Variants in PNLDC1 observed in about 807,000 individuals in gnomAD.
The protein encoded by PNLDC1 is poly(A)-specific ribonuclease PNLDC1.
A neutral mutation model predicts 82.0 loss-of-function variants in PNLDC1; 70 were observed. The ratio of observed to expected loss-of-function variants is 0.85; its 90% CI spans 0.70 to 1.04. The LOEUF is 1.04. Among genes scored for constraint, PNLDC1 ranks in the 50% least tolerant of loss-of-function variants. The pLI is 0.00. For synonymous variants in PNLDC1, 280 were observed against 249.3 expected (o/e 1.12, Z -1.16); for missense variants, 631 against 661.1 (o/e 0.95, Z 0.50).
intron 7 of PNLDC1, 103 bp from the exon 8 acceptor site, chr6:159,808,637 A>C: frequency 9.0e-7 from 1 of 1,107,710 alleles, no homozygotes. Context: ...CTCCCTTTCC[A>C]CTTGACCTTT....
In PNLDC1 at chr6:159,816,658, G is replaced by T. The variant is rs1221407258; in HGVS notation, c.1114+62G>T. ...TTTTTTTTTTTTTTTCTGAGACAGG[G>T]TCTCACTCTGTTGCCCAGGCTAGAG... is the stretch of plus-strand genomic sequence containing the variant. On this transcript the variant is annotated intron_variant, in intron 14 of 18. Transcript: ENST00000392167. 7.2e-6 allele frequency: 10 copies of T among 1,395,862 alleles called. No individual in the cohort carries two copies. In the Admixed American group the frequency reaches 8.5e-5, roughly 12 times the overall value. 86.5% of individuals were successfully genotyped at this position (1,395,862 alleles called of 1,614,324 possible). A position where few individuals can be genotyped will look rare whatever the true frequency, so the allele number is the denominator to read the frequency against.
At position 159,809,169 on chromosome 6, in the gene PNLDC1, A is replaced by G. The variant is rs371823169; in HGVS notation, c.783+11A>G. On this transcript the variant is annotated intron_variant, in intron 9 of 18. Coordinates refer to ENST00000392167, the MANE Select transcript of PNLDC1 (RefSeq NM_001271862.2). ...GTGAAAGCCCAGAAGGTAGGAAAAC[A>G]TGTCTCTTTTCTTGGCCTAAAGGCA... 12 of 1,613,074 alleles carry G rather than the reference A, an allele frequency of 7.4e-6. No individual in the cohort carries two copies. In the African/African-American group the frequency reaches 1.2e-4, roughly 16 times the overall value.
chr6:159,814,283 G>A (rs528717689), intron 12 of PNLDC1, among the ~76,000 whole-genome samples: 1 of 152,284 alleles, frequency 6.6e-6, no homozygotes, highest in African/African-American at 2.4e-5. Flanking sequence ...CCCTGTTCTG[G>A]ATGTGTGTGT....
chr6:159,813,777 G>A (rs908500388), intron 12 of PNLDC1, 121 bp downstream of exon 12: 18 of 833,828 alleles, frequency 2.2e-5, no homozygotes, highest in Admixed American at 1.8e-4. Context: ...TTGGGACTTG[G>A]TCTCCTCCAG....
At position 159,819,142 on chromosome 6, in the gene PNLDC1, G is replaced by A. The variant is rs368737098; in HGVS notation, c.1433+21G>A. 6.2e-5 allele frequency: 100 copies of A among 1,612,304 alleles called. No homozygotes were observed. The highest frequency in any genetic ancestry group is 1.5e-4 in the African/African-American group (11 of 74,836). Reference sequence around the variant, plus strand: ...AAGGAGTAGGTGCCTCTAAGTCCGCGTCCCCCACCCCTCGTGCGTTCATCC... The same window carrying A: ...AAGGAGTAGGTGCCTCTAAGTCCGCATCCCCCACCCCTCGTGCGTTCATCC... On this transcript the variant is annotated intron_variant, in intron 17 of 18. Transcript: ENST00000392167. This position sits in a 1 kb window ranked among gnomAD's most constrained non-coding sequence, Gnocchi z 4.6.
chr6:159,814,612 T>C (rs1781754932), intron 12 of PNLDC1, among the ~76,000 whole-genome samples: 1 of 152,196 alleles, frequency 6.6e-6, no homozygotes, highest in Non-Finnish European at 1.5e-5. Context: ...GTACCAGGCA[T>C]GATACTGAGG....
upstream of PNLDC1, chr6:159,800,255 AGCACGTGG>A (rs1434511016): frequency 7.6e-6 from 6 of 794,390 alleles, no homozygotes; most frequent in African/African-American, 1.7e-4. Context: ...GCGCGTGGGC[AGCACGTGG>A]GCAGCACGTG....
At chr6:159,800,707 T>C (rs1305384075) in intron 1 of PNLDC1, 65 bp from the exon 2 acceptor site, 14 of 1,614,068 alleles carry the variant, frequency 8.7e-6, no homozygotes, top group Non-Finnish European at 1.2e-5. Flanking sequence ...CCTGCAGATC[T>C]ACAGTGTGAG....
At chr6:159,808,975 T>A in intron 8 of PNLDC1, 40 bp from the exon 9 acceptor site, 1 of 1,606,288 alleles carries the variant, frequency 6.2e-7, no homozygotes, top group African/African-American at 1.3e-5. Flanking sequence ...GCCTCATTCC[T>A]AGTAACCCAG....
chr6:159,808,343 A>G (rs1781521907), intron 7 of PNLDC1, among the ~76,000 whole-genome samples: 1 of 152,212 alleles, frequency 6.6e-6, no homozygotes. Context: ...CTTCTCGCTA[A>G]GTTTTTGTTT....
At chr6:159,818,091 T>A (rs1781895792) in intron 15 of PNLDC1, among the ~76,000 whole-genome samples, 2 of 152,178 alleles carry the variant, frequency 1.3e-5, no homozygotes, top group Non-Finnish European at 2.9e-5. Context: ...TCCCTGCCTG[T>A]CTGTGTGGCC....
rs1258295051 is a variant in PNLDC1 at position 159,820,587 on chromosome 6, T to C, written c.*70T>C. 6 of 1,434,394 alleles carry C rather than the reference T, an allele frequency of 4.2e-6. No homozygotes were observed. Among genetic ancestry groups the C allele is most frequent in the Non-Finnish European group, 5.9e-6 (6 of 1,019,232 alleles). The allele number at this position is 1,434,394 out of a possible 1,614,324, so 88.9% of individuals were successfully genotyped here. A position where few individuals can be genotyped will look rare whatever the true frequency, so the allele number is the denominator to read the frequency against. On this transcript the variant is annotated 3_prime_UTR_variant, in exon 19 of 19. Transcript: ENST00000392167. The stretch of plus-strand genomic sequence containing the variant: ...CTGGGAGGTGTGCTGGGTGTGTTCG[T>C]GTAAATCAGATTCTGTTTGCAGATG...
At position 159,818,926 on chromosome 6, in the gene PNLDC1, G is replaced by A. The variant is rs1251169048; in HGVS notation, c.1258-20G>A. Reference sequence around the variant, plus strand: ...CAGGAAGAACTGTGGAAAATCTCTTGTGTTCTGCATGTTTTCTAGAATTTT... The same window carrying A: ...CAGGAAGAACTGTGGAAAATCTCTTATGTTCTGCATGTTTTCTAGAATTTT... On this transcript the variant is annotated intron_variant, in intron 16 of 18. Coordinates refer to ENST00000392167, the MANE Select transcript of PNLDC1 (RefSeq NM_001271862.2). 1.2e-6 allele frequency: 2 copies of A among 1,611,478 alleles called. No individual in the cohort carries two copies. The highest frequency in any genetic ancestry group is 3.3e-5 in the Admixed American group (2 of 59,842).
rs1781616103 is a variant in PNLDC1, at chr6:159,810,653, A to G, written c.853+558A>G. On this transcript the variant is annotated intron_variant, in intron 10 of 18. Transcript: ENST00000392167. ...GCCTCGAGCCTTGGTGATCTCATCCATCCCACACTCACTACGTGCGTAGTC... is the reference window on the plus strand; with the variant it reads ...GCCTCGAGCCTTGGTGATCTCATCCGTCCCACACTCACTACGTGCGTAGTC... Among the ~76,000 whole-genome samples the G allele has an allele frequency of 2.0e-5, 3 of 152,194 alleles. No individual in the cohort carries two copies. In the South Asian group the frequency reaches 6.2e-4, roughly 32 times the overall value.
At chr6:159,800,170 A>C, upstream of PNLDC1, 1 of 713,618 alleles carries the variant, frequency 1.4e-6, no homozygotes, top group Non-Finnish European at 2.2e-6. Context: ...CACACGGGGA[A>C]GCTGGGCACG....
chr6:159,804,394 G>A (rs987943322), intron 5 of PNLDC1, among the ~76,000 whole-genome samples, 155 bp from the exon 6 acceptor site: 3 of 152,116 alleles, frequency 2.0e-5, no homozygotes, highest in East Asian at 3.9e-4. Context: ...ATGAGCCACC[G>A]CACCCGGCCT....
At chr6:159,802,255 C>G (rs971452626) in intron 3 of PNLDC1, among the ~76,000 whole-genome samples, 4 of 152,022 alleles carry the variant, frequency 2.6e-5, no homozygotes, top group Non-Finnish European at 2.9e-5. Flanking sequence ...AGAAACAGAC[C>G]CTGGGCCAGA....
rs746892708 is a variant in PNLDC1 at position 159,819,482 on chromosome 6, G to A, written c.1532+130G>A. ...GTGTTGCCAAGGGGGTTGTGTTGAC[G>A]AGTGTGGTGCCCTGAATGTCCTTCA... On this transcript the variant is annotated intron_variant, in intron 18 of 18. Transcript: ENST00000392167. The surrounding 1 kb of genome is among the most constrained non-coding windows in gnomAD (Gnocchi z 4.6). 7.8e-6 allele frequency: 6 copies of A among 768,960 alleles called. No individual in the cohort carries two copies. Among genetic ancestry groups the A allele is most frequent in the Non-Finnish European group, 1.3e-5 (6 of 477,724 alleles). 47.6% of individuals were successfully genotyped at this position (768,960 alleles called of 1,614,324 possible). A position where few individuals can be genotyped will look rare whatever the true frequency, so the allele number is the denominator to read the frequency against.
At chr6:159,817,545 A>C (rs769311469) in intron 15 of PNLDC1, among the ~76,000 whole-genome samples, 1 of 152,246 alleles carries the variant, frequency 6.6e-6, no homozygotes. Flanking sequence ...TGTTCAGGTC[A>C]ATGAATGACA....
Sources: allele counts gnomAD v4.1 joint callset (sites outside exome capture counted in the v4.1 genomes callset), GRCh38; gene constraint gnomAD v4.1.1; non-coding constraint Gnocchi (gnomAD v3.1); transcripts MANE v1.5; gene names NCBI Gene and HGNC (gene_info 2026-07-23, HGNC 2026-07-21).